The following KIAA1328 variants were observed in gnomAD, a reference collection of about 807,000 sequenced individuals.
KIAA1328 encodes the protein KIAA1328.
In KIAA1328, 52 loss-of-function variants were observed where a neutral mutation model predicts 68.1. The ratio of observed to expected loss-of-function variants is 0.76; its 90% CI spans 0.61 to 0.96. The LOEUF is 0.96. Among genes scored for constraint, KIAA1328 ranks in the 40% least tolerant of loss-of-function variants. KIAA1328 has a pLI of 0.00. For missense variants in KIAA1328, 641 were observed against 677.6 expected (o/e 0.95, Z 0.60); for synonymous variants, 232 against 239.4 (o/e 0.97, Z 0.28).
At chr18:36,944,667 G>C (rs935174110) in intron 5 of KIAA1328, among the ~76,000 whole-genome samples, 2 of 152,144 alleles carry the variant, frequency 1.3e-5, no homozygotes, top group Non-Finnish European at 2.9e-5. Flanking sequence ...TTAATGATGG[G>C]TAAAGAAAAG....
chr18:36,962,048 A>G (rs1186330607), intron 6 of KIAA1328, among the ~76,000 whole-genome samples: 7 of 152,192 alleles, frequency 4.6e-5, no homozygotes, highest in Admixed American at 3.3e-4. Flanking sequence ...AGACCTATCA[A>G]TGTGCTGTAT....
At chr18:37,081,177 T>TC (rs531369778) in intron 7 of KIAA1328, among the ~76,000 whole-genome samples, 146 of 152,242 alleles carry the variant, frequency 9.6e-4, no homozygotes, top group Non-Finnish European at 1.5e-3. Flanking sequence ...AGACAGGGTT[T>TC]CACCATGTTG....
rs927921627 is a variant in KIAA1328, at chr18:37,027,663, A to G, written c.577-39227A>G. ...ATGGTGCTGGGAAAACTGGCTAGCC[A>G]TATGTAGAAAGCTGAAACTGGATCC... On this transcript the variant is annotated intron_variant, in intron 6 of 9. Transcript: ENST00000280020. Among the ~76,000 whole-genome samples, 4 of 152,226 alleles carry G rather than the reference A, an allele frequency of 2.6e-5. No homozygotes were observed. In the South Asian group the frequency reaches 6.2e-4, roughly 24 times the overall value.
chr18:37,207,327 C>G (rs550569321), intron 9 of KIAA1328, among the ~76,000 whole-genome samples: 45 of 152,114 alleles, frequency 3.0e-4, no homozygotes, highest in Non-Finnish European at 6.0e-4. Flanking sequence ...TATGACCACC[C>G]CTGGTTAGGT....
At chr18:36,883,784 A>C (rs1601132371) in intron 4 of KIAA1328, among the ~76,000 whole-genome samples, 1 of 152,102 alleles carries the variant, frequency 6.6e-6, no homozygotes, top group African/African-American at 2.4e-5. Flanking sequence ...CTGTAGTCTC[A>C]TGCCAAATTT....
At chr18:37,075,312 T>G (rs1313344587) in intron 7 of KIAA1328, 2 of 152,132 alleles carry the variant, frequency 1.3e-5, no homozygotes, top group Non-Finnish European at 2.9e-5. Context: ...AGACTTGCCC[T>G]AAAAGAGCTC....
chr18:37,021,166 G>A (rs1336407652), intron 6 of KIAA1328, among the ~76,000 whole-genome samples: 1 of 152,152 alleles, frequency 6.6e-6, no homozygotes, highest in Non-Finnish European at 1.5e-5. Context: ...ATGAAGCTGG[G>A]CAGTGCACTG....
intron 5 of KIAA1328, chr18:36,923,742 T>G (rs1257979580): frequency 2.0e-5 from 3 of 152,228 alleles, no homozygotes; most frequent in Admixed American, 2.0e-4. Flanking sequence ...TAAATTTAAA[T>G]TAATTATAAT....
intron 6 of KIAA1328, among the ~76,000 whole-genome samples, chr18:36,998,180 G>A (rs2053463253): frequency 6.6e-6 from 1 of 152,144 alleles, no homozygotes; most frequent in South Asian, 2.1e-4. Context: ...GGATCCTGGG[G>A]GTTGCCCAAC....
chr18:37,149,086 A>G (rs952451510), intron 7 of KIAA1328, among the ~76,000 whole-genome samples: 8 of 152,190 alleles, frequency 5.3e-5, no homozygotes, highest in Admixed American at 4.6e-4. Flanking sequence ...TTTAAAATTC[A>G]TATGGAACCA....
chr18:36,873,163 T>C (rs2048003958), intron 4 of KIAA1328, among the ~76,000 whole-genome samples: 1 of 152,130 alleles, frequency 6.6e-6, no homozygotes, highest in Non-Finnish European at 1.5e-5. Flanking sequence ...TTAATAATCT[T>C]TCCTTCAATT....
intron 4 of KIAA1328, among the ~76,000 whole-genome samples, chr18:36,881,797 C>G (rs2048336760): frequency 6.6e-6 from 1 of 152,176 alleles, no homozygotes; most frequent in Non-Finnish European, 1.5e-5. Flanking sequence ...TACCTAATTT[C>G]TCTTTATTGC....
intron 6 of KIAA1328, among the ~76,000 whole-genome samples, chr18:37,011,519 T>G (rs1246140180): frequency 6.6e-6 from 1 of 152,172 alleles, no homozygotes; most frequent in Non-Finnish European, 1.5e-5. Flanking sequence ...TGAATTAACT[T>G]GTAGGTATTT....
chr18:36,909,323 C>A (rs868386899), intron 5 of KIAA1328, among the ~76,000 whole-genome samples: 1 of 150,176 alleles, frequency 6.7e-6, no homozygotes, highest in Non-Finnish European at 1.5e-5. Flanking sequence ...TGATGTTCCC[C>A]TTCTTGTGTC....
At chr18:37,135,249 G>A (rs952668985) in intron 7 of KIAA1328, among the ~76,000 whole-genome samples, 1 of 152,182 alleles carries the variant, frequency 6.6e-6, no homozygotes, top group African/African-American at 2.4e-5. Flanking sequence ...CGGTAGTGCT[G>A]TTTTAAGTTC....
intron 7 of KIAA1328, among the ~76,000 whole-genome samples, chr18:37,090,517 A>G (rs2073871008): frequency 6.6e-6 from 1 of 152,200 alleles, no homozygotes; most frequent in African/African-American, 2.4e-5. Flanking sequence ...CATCATTTCC[A>G]TAGCAAGTGG....
At chr18:36,879,277 C>A (rs2048249946) in intron 4 of KIAA1328, among the ~76,000 whole-genome samples, 1 of 152,016 alleles carries the variant, frequency 6.6e-6, no homozygotes, top group Admixed American at 6.6e-5. Context: ...ATAGTCAGTC[C>A]CCTCTTCTGC....
chr18:37,156,532 A>G (rs1384808297), intron 7 of KIAA1328, among the ~76,000 whole-genome samples: 1 of 151,070 alleles, frequency 6.6e-6, no homozygotes, highest in African/African-American at 2.4e-5. Flanking sequence ...TTTGTTTTCC[A>G]TTTTGCCCAG....
chr18:36,965,746 T>G (rs2051903205), intron 6 of KIAA1328, among the ~76,000 whole-genome samples: 1 of 151,220 alleles, frequency 6.6e-6, no homozygotes, highest in Non-Finnish European at 1.5e-5. Context: ...CTTTCATATA[T>G]TCTTTTGGTT....
Sources: gnomAD v4.1 joint callset for allele counts (sites outside exome capture counted in the v4.1 genomes callset) on GRCh38, gnomAD v4.1.1 for gene constraint, MANE v1.5 for transcripts, NCBI Gene and HGNC (gene_info 2026-07-23, HGNC 2026-07-21) for gene names.